CCDC102B: variants seen among roughly 807,000 people sequenced by gnomAD.
CCDC102B encodes the protein coiled-coil domain-containing protein 102B.
CCDC102B carries 75 observed loss-of-function variants against 57.4 expected under a neutral mutation model. The observed-to-expected ratio is 1.31, with a 90% CI of 1.08 to 1.58. The LOEUF is 1.58. Ranked by LOEUF, CCDC102B falls within the 40% of genes most tolerant of loss-of-function variation. CCDC102B has a pLI of 0.00. For synonymous variants in CCDC102B, 206 were observed against 201.9 expected (o/e 1.02, Z -0.17); for missense variants, 636 against 582.6 (o/e 1.09, Z -0.94).
chr18:69,053,322 A>G lies in CCDC102B; in HGVS notation c.1435-708A>G, dbSNP rs531590986. 2.9e-3 allele frequency among the ~76,000 whole-genome samples: 425 copies of G among 145,292 alleles called. 2 individuals are homozygous for G. The highest frequency in any genetic ancestry group is 9.3e-3 in the African/African-American group (374 of 40,426). On this transcript the variant is annotated intron_variant, in intron 7 of 7. Transcript: ENST00000360242. Reference sequence around the variant, plus strand: ...TCAATAATATATATAAATATATTTCACATATATATATATATACACTTAGCA... The same window carrying G: ...TCAATAATATATATAAATATATTTCGCATATATATATATATACACTTAGCA...
intron 7 of CCDC102B, among the ~76,000 whole-genome samples, chr18:69,016,897 A>G (rs12607657): frequency 0.13 from 19,867 of 152,046 alleles, 2,129 homozygotes; most frequent in East Asian, 0.39. Flanking sequence ...TTTACAGTAT[A>G]TATTAGCAAT....
At chr18:68,984,584 A>C (rs1020286343) in intron 6 of CCDC102B, among the ~76,000 whole-genome samples, 1 of 152,106 alleles carries the variant, frequency 6.6e-6, no homozygotes, top group South Asian at 2.1e-4. Flanking sequence ...CTGGAGCAAA[A>C]CTGGACCCAT....
chr18:68,937,663 A>G (rs976942333), intron 6 of CCDC102B, among the ~76,000 whole-genome samples: 4 of 152,022 alleles, frequency 2.6e-5, no homozygotes, highest in Admixed American at 6.6e-5. Flanking sequence ...GTTCTGTTAC[A>G]TAGGTATACA....
rs546920724 is a variant in CCDC102B, at chr18:69,054,942, T to C, written c.*805T>C. Reference sequence around the variant, plus strand: ...AGGAAATTGTGGTTATGTGAATATTTCTTTAAAACTTTTATGTACATTATA... The same window carrying C: ...AGGAAATTGTGGTTATGTGAATATTCCTTTAAAACTTTTATGTACATTATA... On this transcript the variant is annotated 3_prime_UTR_variant, in exon 8 of 8. Coordinates refer to ENST00000360242, the MANE Select transcript of CCDC102B (RefSeq NM_024781.3). 1.0e-6 allele frequency: 1 copy of C among 984,686 alleles called. No homozygotes were observed. The highest frequency in any genetic ancestry group is 1.2e-6 in the Non-Finnish European group (1 of 829,432). 61.0% of individuals were successfully genotyped at this position (984,686 alleles called of 1,614,324 possible). A position where few individuals can be genotyped will look rare whatever the true frequency, so the allele number is the denominator to read the frequency against.
At chr18:68,716,487 G>A (rs2032003103) in intron 1 of CCDC102B, 1 of 152,150 alleles carries the variant, frequency 6.6e-6, no homozygotes, top group Non-Finnish European at 1.5e-5. Context: ...AATGTGCCTA[G>A]TGTGATGAAA....
intron 6 of CCDC102B, among the ~76,000 whole-genome samples, chr18:68,973,071 T>C (rs991287008): frequency 6.6e-6 from 1 of 152,276 alleles, no homozygotes; most frequent in East Asian, 1.9e-4. Context: ...ACTCATATCA[T>C]TGAGTCTGTT....
At chr18:68,839,761 A>G (rs1376292856) in intron 3 of CCDC102B, among the ~76,000 whole-genome samples, 1 of 152,126 alleles carries the variant, frequency 6.6e-6, no homozygotes, top group African/African-American at 2.4e-5. Flanking sequence ...GCTTCCTCAC[A>G]ACATTGGGGC....
intron 1 of CCDC102B, among the ~76,000 whole-genome samples, chr18:68,809,324 C>T (rs2036156108): frequency 6.6e-6 from 1 of 151,992 alleles, no homozygotes; most frequent in African/African-American, 2.4e-5. Context: ...AAGAATTTAC[C>T]ATATAAATAT....
intron 2 of CCDC102B, chr18:68,718,243 G>C (rs1169045210): frequency 1.3e-5 from 2 of 152,216 alleles, no homozygotes; most frequent in African/African-American, 4.8e-5. Flanking sequence ...GTTTGTAATT[G>C]TGAAAAGCTA....
chr18:69,028,304 T>C (rs1438887372), intron 7 of CCDC102B, among the ~76,000 whole-genome samples: 1 of 152,112 alleles, frequency 6.6e-6, no homozygotes, highest in Admixed American at 6.6e-5. Context: ...AAAATATGAA[T>C]GAAAGGTTGG....
At chr18:68,812,442 G>A (rs1250222885) in intron 1 of CCDC102B, among the ~76,000 whole-genome samples, 1 of 152,040 alleles carries the variant, frequency 6.6e-6, no homozygotes, top group East Asian at 1.9e-4. Flanking sequence ...ACTGGATTAT[G>A]GTCATTATAA....
At chr18:68,783,307 T>G (rs1378836135) in intron 2 of CCDC102B, among the ~76,000 whole-genome samples, 1 of 152,212 alleles carries the variant, frequency 6.6e-6, no homozygotes, top group African/African-American at 2.4e-5. Context: ...CCTTTATTTT[T>G]TAGTGCTTGT....
intron 2 of CCDC102B, among the ~76,000 whole-genome samples, chr18:68,719,307 A>G (rs1175544076): frequency 6.6e-6 from 1 of 152,240 alleles, no homozygotes; most frequent in Non-Finnish European, 1.5e-5. Context: ...TTATGCAGCT[A>G]TGAAGACCAA....
intron 6 of CCDC102B, among the ~76,000 whole-genome samples, chr18:68,937,368 G>A (rs1281512321): frequency 6.6e-6 from 1 of 152,024 alleles, no homozygotes; most frequent in Non-Finnish European, 1.5e-5. Flanking sequence ...GCTGAATGTA[G>A]CCTTGTTTGA....
intron 2 of CCDC102B, among the ~76,000 whole-genome samples, chr18:68,725,074 A>G (rs940790540): frequency 1.3e-5 from 2 of 152,192 alleles, no homozygotes; most frequent in Admixed American, 1.3e-4. Flanking sequence ...CCGAGTGAAG[A>G]GGGAAGCCCC....
At chr18:68,918,470 A>G (rs1400641446) in intron 6 of CCDC102B, among the ~76,000 whole-genome samples, 2 of 152,212 alleles carry the variant, frequency 1.3e-5, no homozygotes, top group African/African-American at 4.8e-5. Context: ...GTATACTAGT[A>G]TGGCCAAGCA....
chr18:68,872,768 T>C (rs769791508), intron 4 of CCDC102B, among the ~76,000 whole-genome samples: 14 of 152,090 alleles, frequency 9.2e-5, no homozygotes, highest in Non-Finnish European at 1.9e-4. Flanking sequence ...CTGTTTTTCT[T>C]GTTTTGTTTT....
chr18:68,773,104 C>T (rs1040156223), intron 2 of CCDC102B, among the ~76,000 whole-genome samples: 3 of 151,856 alleles, frequency 2.0e-5, no homozygotes, highest in Non-Finnish European at 2.9e-5. Flanking sequence ...AAAAACATGT[C>T]ATTAGCCATA....
chr18:68,761,159 T>G (rs2145268250), intron 2 of CCDC102B, among the ~76,000 whole-genome samples: 1 of 152,128 alleles, frequency 6.6e-6, no homozygotes, highest in East Asian at 1.9e-4. Flanking sequence ...TTTGTCTTTT[T>G]ATACAAATGT....
Sources: allele counts gnomAD v4.1 joint callset (sites outside exome capture counted in the v4.1 genomes callset), GRCh38; gene constraint gnomAD v4.1.1; transcripts MANE v1.5; gene names NCBI Gene and HGNC (gene_info 2026-07-23, HGNC 2026-07-21).